The following ITK variants were observed in gnomAD, a reference collection of about 807,000 sequenced individuals.
The protein encoded by ITK is IL2 inducible T cell kinase, also known as tyrosine-protein kinase ITK/TSK.
A neutral mutation model predicts 87.6 loss-of-function variants in ITK; 45 were observed. The ratio of observed to expected loss-of-function variants is 0.51; its 90% confidence interval spans 0.40 to 0.66. The LOEUF is 0.66. Among genes scored for constraint, ITK ranks in the 30% least tolerant of loss-of-function variants. ITK has a pLI of 0.00. For missense variants in ITK, 605 were observed against 766.3 expected, an observed-to-expected ratio of 0.79 and a Z score of 2.48; for synonymous variants, 303 against 273.6, an observed-to-expected ratio of 1.11 and a Z score of -1.06.
intron 4 of ITK, among the ~76,000 whole-genome samples, chr5:157,217,533 A>G (rs113012686): frequency 0.027 from 4,064 of 152,190 alleles, 80 homozygotes; most frequent in Middle Eastern, 0.058. Flanking sequence ...CATTCCCGGA[A>G]GTCTCTATGC....
intron 5 of ITK, among the ~76,000 whole-genome samples, chr5:157,219,845 A>G (rs986368960): frequency 1.3e-5 from 2 of 152,124 alleles, no homozygotes; most frequent in Non-Finnish European, 2.9e-5. Flanking sequence ...TATTTTTGGT[A>G]TCAATGAAGG....
At chr5:157,191,530 T>C (rs1753753546) in intron 1 of ITK, among the ~76,000 whole-genome samples, 3 of 152,232 alleles carry the variant, frequency 2.0e-5, no homozygotes, top group Admixed American at 2.0e-4. Context: ...ATCAATTTAC[T>C]ATCTGTGTCA....
At chr5:157,214,953 G>GT (rs1462024961) in intron 4 of ITK, among the ~76,000 whole-genome samples, 2 of 152,062 alleles carry the variant, frequency 1.3e-5, no homozygotes, top group Non-Finnish European at 2.9e-5. Flanking sequence ...AAAAAAAGCT[G>GT]TTTTTTTGCC....
chr5:157,235,102 ATTTGT>A (rs1011535365), intron 8 of ITK, among the ~76,000 whole-genome samples: 1 of 152,176 alleles, frequency 6.6e-6, no homozygotes, highest in Non-Finnish European at 1.5e-5. Flanking sequence ...TTCAATAAAT[ATTTGT>A]TGAATGAATG....
intron 1 of ITK, among the ~76,000 whole-genome samples, chr5:157,204,154 G>A (rs1447580169): frequency 6.6e-6 from 1 of 152,112 alleles, no homozygotes; most frequent in African/African-American, 2.4e-5. Context: ...GGGACTACAG[G>A]TGCACACCAT....
chr5:157,202,441 T>C (rs183745986), intron 1 of ITK, among the ~76,000 whole-genome samples: 4 of 152,168 alleles, frequency 2.6e-5, no homozygotes, highest in African/African-American at 9.7e-5. Flanking sequence ...CTCGAACTCC[T>C]GGCCTCAAGT....
chr5:157,209,064 A>C (rs1257156588), intron 2 of ITK, 71 bp downstream of exon 2: 2 of 1,037,654 alleles, frequency 1.9e-6, no homozygotes, highest in Non-Finnish European at 3.0e-6. Context: ...AGCCGGGTGC[A>C]GTGGTTCAAG....
chr5:157,211,164 A>T, intron 2 of ITK, 123 bp from the exon 3 acceptor site: 4 of 795,402 alleles, frequency 5.0e-6, no homozygotes, highest in Non-Finnish European at 8.9e-6. Context: ...CCCCCTAATT[A>T]CCCAAATGTT....
At chr5:157,201,272 A>G (rs1352778602) in intron 1 of ITK, among the ~76,000 whole-genome samples, 1 of 150,658 alleles carries the variant, frequency 6.6e-6, no homozygotes, top group African/African-American at 2.4e-5. Context: ...CTTTATCTGT[A>G]AGTTTGGGAA....
chr5:157,193,615 A>G (rs988936836), intron 1 of ITK, among the ~76,000 whole-genome samples: 2 of 152,236 alleles, frequency 1.3e-5, no homozygotes, highest in African/African-American at 4.8e-5. Flanking sequence ...ATAGAAACTA[A>G]GTATCTCTAT....
chr5:157,223,839 T>A (rs576652064), intron 6 of ITK, among the ~76,000 whole-genome samples: 2 of 152,338 alleles, frequency 1.3e-5, no homozygotes, highest in East Asian at 3.9e-4. Context: ...TTTCAAGGTA[T>A]GAGGTTATTA....
rs755292379 is a variant in ITK at position 157,240,184 on chromosome 5, A to G, written c.974A>G (p.His325Arg). 2.5e-6 allele frequency: 4 copies of G among 1,614,150 alleles called. No individual in the cohort carries two copies. Among genetic ancestry groups the G allele is most frequent in the East Asian group, 2.2e-5 (1 of 44,886 alleles). ...SIPLLINYHQ[H>R]NGGGLVTRLR... Reference sequence around the variant, plus strand: ...CCTCTTCTCATCAACTATCACCAACATAATGGAGGAGGTAAGCTCTAGAGC... The same window carrying G: ...CCTCTTCTCATCAACTATCACCAACGTAATGGAGGAGGTAAGCTCTAGAGC... The change falls in exon 10 of 17, where the codon CAT becomes CGT. Residue 325 changes from histidine (H) to arginine (R), a missense_variant. Physicochemically the swap from His to Arg is conservative, Grantham distance 29. This residue lies in a region of ITK where 464 missense variants were observed against 578.0 expected (regional missense o/e 0.80). Coordinates refer to ENST00000422843, the MANE Select transcript of ITK (RefSeq NM_005546.4).
intron 2 of ITK, among the ~76,000 whole-genome samples, chr5:157,209,445 C>T (rs1754145438): frequency 6.6e-6 from 1 of 152,032 alleles, no homozygotes; most frequent in Admixed American, 6.6e-5. Flanking sequence ...CGTATGTGTT[C>T]CTTCCATCAG....
chr5:157,234,604 G>A (rs574760297), intron 8 of ITK, among the ~76,000 whole-genome samples: 27 of 152,268 alleles, frequency 1.8e-4, no homozygotes, highest in African/African-American at 6.5e-4. Context: ...GTAAAAGGAT[G>A]AGTTCATGTC....
chr5:157,197,131 A>T (rs1049137250), intron 1 of ITK, among the ~76,000 whole-genome samples: 2 of 152,208 alleles, frequency 1.3e-5, no homozygotes, highest in African/African-American at 4.8e-5. Flanking sequence ...CACTTATAAG[A>T]TAAATATACC....
chr5:157,240,439 C>T, intron 10 of ITK: 1 of 549,902 alleles, frequency 1.8e-6, no homozygotes, highest in Non-Finnish European at 3.3e-6. Flanking sequence ...CACATCCCTC[C>T]ATGGATAAAC....
chr5:157,201,615 T>A lies in ITK; in HGVS notation c.139-7274T>A, dbSNP rs182222885. ...CCTGGCCAATTTCCACTTTTAACAC[T>A]CTATTCGACACTGTTCTGCAAGTAC... On this transcript the variant is annotated intron_variant, in intron 1 of 16. Coordinates refer to ENST00000422843, the MANE Select transcript of ITK (RefSeq NM_005546.4). 2.4e-3 allele frequency among the ~76,000 whole-genome samples: 366 copies of A among 151,744 alleles called. 5 individuals are homozygous for A. Among genetic ancestry groups the A allele is most frequent in the Admixed American group, 0.022 (330 of 15,226 alleles).
At chr5:157,205,976 T>C (rs973139831) in intron 1 of ITK, among the ~76,000 whole-genome samples, 7 of 56,924 alleles carry the variant, frequency 1.2e-4, no homozygotes, top group South Asian at 1.3e-3. Flanking sequence ...AGGATTAGCC[T>C]TTTTTTTTTT....
chr5:157,218,240 C>T (rs1302971933), intron 5 of ITK, among the ~76,000 whole-genome samples: 1 of 152,110 alleles, frequency 6.6e-6, no homozygotes, highest in Non-Finnish European at 1.5e-5. Flanking sequence ...CATGGTGGCT[C>T]ACGTCTGTAA....
Sources: gnomAD v4.1 joint callset for allele counts (sites outside exome capture counted in the v4.1 genomes callset) on GRCh38, gnomAD v4.1.1 for gene constraint, gnomAD v4.1.1 regional missense constraint, MANE v1.5 for transcripts, NCBI Gene and HGNC (gene_info 2026-07-23, HGNC 2026-07-21) for gene names.